FBXO42: variants seen among roughly 807,000 people sequenced by gnomAD.
The protein encoded by FBXO42 is F-box only protein 42.
In FBXO42, 12 loss-of-function variants were observed where a neutral mutation model predicts 71.7. That is an observed-to-expected ratio of 0.17 (90% CI 0.11 to 0.27). FBXO42 has a LOEUF of 0.27. Ranked by LOEUF, FBXO42 falls within the 10% of genes least tolerant of loss-of-function variation. The probability of loss-of-function intolerance (pLI) is 1.00; values close to 1 mark genes in which losing one functional copy is unlikely to be tolerated. For synonymous variants in FBXO42, 325 were observed against 327.5 expected (o/e 0.99, Z 0.08); for missense variants, 707 against 911.9 (o/e 0.78, Z 2.89).
chr1:16,251,761 T>A lies in FBXO42; in HGVS notation c.1063A>T (p.Ser355Cys). 1 of 1,614,000 alleles carries A rather than the reference T, an allele frequency of 6.2e-7. No individual in the cohort carries two copies. The change falls in exon 10 of 10, where the codon AGC (serine) becomes TGC (cysteine). Residue 355 changes from serine (S) to cysteine (C), a missense_variant. Physicochemically the swap from Ser to Cys is moderately radical, Grantham distance 112. Coordinates refer to ENST00000375592, the MANE Select transcript of FBXO42 (RefSeq NM_018994.3). The surrounding 1 kb of genome is among the most constrained non-coding windows in gnomAD (Gnocchi z 4.5). ...GGGGCTCTCCCACTAGGAGCCTGGCTGAAGACCACCACACACTGTCCCACC... is the reference window on the plus strand; with the variant it reads ...GGGGCTCTCCCACTAGGAGCCTGGCAGAAGACCACCACACACTGTCCCACC... Reference protein sequence around the residue: ...CRVGQCVVVFSQAPSGRAPLS... With the variant: ...CRVGQCVVVFCQAPSGRAPLS...
chr1:16,297,472 A>G (rs1484248034), intron 3 of FBXO42, among the ~76,000 whole-genome samples: 1 of 152,176 alleles, frequency 6.6e-6, no homozygotes, highest in Non-Finnish European at 1.5e-5. Flanking sequence ...TACCAAAGAA[A>G]TTAGACAAAA....
At position 16,253,694 on chromosome 1, in the gene FBXO42, C is replaced by T; in HGVS notation, c.805G>A (p.Ala269Thr). The T allele has an allele frequency of 6.2e-7, 1 of 1,614,194 alleles. No individual in the cohort carries two copies. The highest frequency in any genetic ancestry group is 8.5e-7 in the Non-Finnish European group (1 of 1,180,034). The change falls in exon 7 of 10, where the codon GCG (alanine) becomes ACG (threonine). Residue 269 changes from alanine (A) to threonine (T), a missense_variant. Coordinates refer to ENST00000375592, the MANE Select transcript of FBXO42 (RefSeq NM_018994.3). ...DVWVLDLEQW[A>T]WSKPNISGPS... ...CCAGAGATGTTCGGCTTGGACCACG[C>T]CCACTGCTCAAGGTCAAGGACCCAG...
chr1:16,309,028 C>T (rs1212021561), intron 2 of FBXO42, among the ~76,000 whole-genome samples: 1 of 146,798 alleles, frequency 6.8e-6, no homozygotes, highest in Non-Finnish European at 1.5e-5. Context: ...CAGGCGTGAG[C>T]CACCATGCCA....
intron 1 of FBXO42, among the ~76,000 whole-genome samples, chr1:16,322,749 A>G (rs2082418774): frequency 6.6e-6 from 1 of 152,216 alleles, no homozygotes; most frequent in African/African-American, 2.4e-5. Flanking sequence ...GAAACCTAGC[A>G]TAAGTCACAC....
intron 5 of FBXO42, 95 bp downstream of exon 5, chr1:16,256,511 T>G (rs1305663287): frequency 7.5e-7 from 1 of 1,327,096 alleles, no homozygotes; most frequent in Admixed American, 2.1e-5. Context: ...GCTTTCCATC[T>G]AATTCTCAAA....
At chr1:16,316,354 C>T (rs11804252) in intron 1 of FBXO42, among the ~76,000 whole-genome samples, 52,947 of 151,618 alleles carry the variant, frequency 0.35, 9,696 homozygotes, top group African/African-American at 0.41. Flanking sequence ...GTTTTCACAT[C>T]GCTCTAGTAC....
chr1:16,338,724 TAAAC>T (rs2082575846), intron 1 of FBXO42, among the ~76,000 whole-genome samples: 1 of 149,284 alleles, frequency 6.7e-6, no homozygotes, highest in Non-Finnish European at 1.5e-5. Context: ...TCCCCACTGA[TAAAC>T]AAAAATATTC....
chr1:16,330,278 T>C (rs540760659), intron 1 of FBXO42, among the ~76,000 whole-genome samples: 12 of 152,246 alleles, frequency 7.9e-5, no homozygotes, highest in Admixed American at 2.0e-4. Context: ...CCCAGCACTT[T>C]GAGACGCCAA....
In FBXO42 at chr1:16,270,707, G is replaced by GAAA. The variant is rs774036333; in HGVS notation, c.503-13951_503-13949dup. ...AAAAAAAAAAAAAAAGAAAAGAAAA[G>GAAA]AAAGAAGAAAAGATAAATTCCAAAT... is the stretch of plus-strand genomic sequence containing the variant. On this transcript the variant is annotated intron_variant, in intron 4 of 9. Transcript: ENST00000375592. Among the ~76,000 whole-genome samples the GAAA allele has an allele frequency of 2.4e-3, 15 of 6,288 alleles. 1 individual carries two copies. The highest frequency in any genetic ancestry group is 0.012 in the South Asian group (2 of 164). The allele number at this position is 6,288 out of a possible 152,430, so 4.1% of individuals were successfully genotyped here.
chr1:16,277,624 C>T (rs1159987395), intron 4 of FBXO42, among the ~76,000 whole-genome samples: 1 of 151,254 alleles, frequency 6.6e-6, no homozygotes, highest in East Asian at 1.9e-4. Context: ...ACTCAGGAGG[C>T]TGAGGCAGAA....
intron 1 of FBXO42, among the ~76,000 whole-genome samples, chr1:16,316,925 T>C (rs1204724488): frequency 6.6e-6 from 1 of 152,062 alleles, no homozygotes; most frequent in Non-Finnish European, 1.5e-5. Context: ...CCATGAAATA[T>C]AGAGCAAAGA....
At chr1:16,288,646 G>T (rs997885639) in intron 4 of FBXO42, among the ~76,000 whole-genome samples, 2 of 151,780 alleles carry the variant, frequency 1.3e-5, no homozygotes, top group African/African-American at 4.8e-5. Flanking sequence ...GCCTTCTCAT[G>T]CTCCTAAATC....
At chr1:16,279,329 C>T (rs957194808) in intron 4 of FBXO42, among the ~76,000 whole-genome samples, 10 of 151,962 alleles carry the variant, frequency 6.6e-5, no homozygotes, top group Admixed American at 6.5e-4. Context: ...AGAAGGGAGG[C>T]TGAGGCAGGA....
intron 4 of FBXO42, among the ~76,000 whole-genome samples, chr1:16,287,318 C>A (rs1273481484): frequency 6.6e-6 from 1 of 151,972 alleles, no homozygotes; most frequent in Non-Finnish European, 1.5e-5. Context: ...CGCCTTCTCT[C>A]TGATTCTCCT....
chr1:16,263,224 AGGCTGAGGCGGGCG>A (rs1221385243), intron 4 of FBXO42, among the ~76,000 whole-genome samples: 70 of 151,514 alleles, frequency 4.6e-4, no homozygotes, highest in African/African-American at 1.6e-3. Context: ...GCACTTTGGG[AGGCTGAGGCGGGCG>A]GATCACGAGG....
At position 16,250,214 on chromosome 1, in the gene FBXO42, A is replaced by T. The variant is rs988765956; in HGVS notation, c.*456T>A. 6.6e-6 allele frequency: 1 copy of T among 152,348 alleles called. No homozygotes were observed. The highest frequency in any genetic ancestry group is 2.4e-5 in the African/African-American group (1 of 41,458). 9.4% of individuals were successfully genotyped at this position (152,348 alleles called of 1,614,324 possible). On this transcript the variant is annotated 3_prime_UTR_variant, in exon 10 of 10. Coordinates refer to ENST00000375592, the MANE Select transcript of FBXO42 (RefSeq NM_018994.3). The surrounding 1 kb of genome is among the most constrained non-coding windows in gnomAD (Gnocchi z 4.7). The stretch of plus-strand genomic sequence containing the variant: ...CTTTTACCCCGACAGCACCTGAAGC[A>T]TGAGAGTCTAAAACCCTCCACCTTT...
At chr1:16,313,320 A>AAAAGAAAGAAAG (rs1205235258) in intron 2 of FBXO42, among the ~76,000 whole-genome samples, 37 of 110,224 alleles carry the variant, frequency 3.4e-4, no homozygotes, top group African/African-American at 1.4e-3. Flanking sequence ...AAGAGAAAAG[A>AAAAGAAAGAAAG]AAACAAAGAA....
At chr1:16,341,689 G>A (rs2082606017) in intron 1 of FBXO42, among the ~76,000 whole-genome samples, 1 of 151,460 alleles carries the variant, frequency 6.6e-6, no homozygotes, top group Admixed American at 6.6e-5. Flanking sequence ...AAAAGTTCTG[G>A]GCCGGGTGCG....
chr1:16,309,814 G>A (rs1236714215), intron 2 of FBXO42, among the ~76,000 whole-genome samples: 2 of 151,970 alleles, frequency 1.3e-5, no homozygotes, highest in Non-Finnish European at 2.9e-5. Flanking sequence ...GGAGGCCGAG[G>A]TGGGTGATCA....
Sources: gnomAD v4.1 joint callset for allele counts (sites outside exome capture counted in the v4.1 genomes callset) on GRCh38, gnomAD v4.1.1 for gene constraint, Gnocchi (gnomAD v3.1) non-coding constraint, MANE v1.5 for transcripts, NCBI Gene and HGNC (gene_info 2026-07-23, HGNC 2026-07-21) for gene names.